TMTC2: variants seen among roughly 807,000 people sequenced by gnomAD.
TMTC2 encodes the protein protein O-mannosyl-transferase TMTC2.
TMTC2 carries 43 observed loss-of-function variants against 82.4 expected under a neutral mutation model. The ratio of observed to expected loss-of-function variants is 0.52; its 90% CI spans 0.41 to 0.67. The LOEUF (loss-of-function observed/expected upper bound fraction) is 0.67. Among genes scored for constraint, TMTC2 ranks in the 30% least tolerant of loss-of-function variants. TMTC2 has a pLI of 0.00. For synonymous variants in TMTC2, 408 were observed against 381.9 expected, an observed-to-expected ratio of 1.07 and a Z score of -0.80; for missense variants, 919 against 1,012.4, an observed-to-expected ratio of 0.91 and a Z score of 1.25.
intron 11 of TMTC2, among the ~76,000 whole-genome samples, chr12:83,079,199 C>A (rs372743244): frequency 6.6e-6 from 1 of 151,890 alleles, no homozygotes; most frequent in African/African-American, 2.4e-5. Context: ...GTTGATTTAT[C>A]ATTATCTACT....
At chr12:83,033,906 A>G (rs1266964578) in intron 9 of TMTC2, among the ~76,000 whole-genome samples, 1 of 149,622 alleles carries the variant, frequency 6.7e-6, no homozygotes, top group East Asian at 2.0e-4. Flanking sequence ...ATATATATGT[A>G]TATATATCCT....
At chr12:83,130,587 A>G (rs1885229948) in intron 11 of TMTC2, among the ~76,000 whole-genome samples, 3 of 152,192 alleles carry the variant, frequency 2.0e-5, no homozygotes. Context: ...TTGAAGATTT[A>G]AGGGAATTTT....
chr12:83,102,868 A>G (rs1432122757), intron 11 of TMTC2, among the ~76,000 whole-genome samples: 1 of 152,202 alleles, frequency 6.6e-6, no homozygotes, highest in East Asian at 1.9e-4. Context: ...AATAGACTAA[A>G]CTAAACTATT....
intron 4 of TMTC2, among the ~76,000 whole-genome samples, chr12:82,964,435 C>T (rs1018618398): frequency 6.6e-6 from 1 of 152,058 alleles, no homozygotes; most frequent in African/African-American, 2.4e-5. Flanking sequence ...TTCCGAAATC[C>T]AGTCTTATTC....
intron 1 of TMTC2, among the ~76,000 whole-genome samples, chr12:82,825,967 G>C (rs901376125): frequency 2.0e-5 from 3 of 152,060 alleles, no homozygotes; most frequent in Admixed American, 2.0e-4. Context: ...CGAATGGAAA[G>C]TTTTACCATA....
chr12:82,878,096 T>G (rs191639421), intron 2 of TMTC2, among the ~76,000 whole-genome samples: 1 of 152,336 alleles, frequency 6.6e-6, no homozygotes, highest in Non-Finnish European at 1.5e-5. Context: ...TTTTGTTCAT[T>G]CATTCAGTCA....
intron 8 of TMTC2, among the ~76,000 whole-genome samples, chr12:83,018,984 A>C (rs1035470912): frequency 5.9e-5 from 9 of 152,206 alleles, no homozygotes; most frequent in Non-Finnish European, 1.0e-4. Flanking sequence ...ATTAGAGTAC[A>C]TATGGTAAGT....
At chr12:82,832,653 A>C (rs750844291) in intron 1 of TMTC2, among the ~76,000 whole-genome samples, 1 of 152,182 alleles carries the variant, frequency 6.6e-6, no homozygotes, top group Non-Finnish European at 1.5e-5. Flanking sequence ...GCCAAAAAAC[A>C]AACACTGAAA....
rs370602340 is a variant in TMTC2 at position 82,764,414 on chromosome 12, A to G, written c.83+76745A>G. ...TGGCCTCCCAAAGTGCTGGGATTAC[A>G]GGTGTGAGCCACCATGCCTGGCCTA... On this transcript the variant is annotated intron_variant, in intron 1 of 11. Coordinates refer to ENST00000321196, the MANE Select transcript of TMTC2 (RefSeq NM_152588.3). Among the ~76,000 whole-genome samples, 197 of 152,322 alleles carry G rather than the reference A, an allele frequency of 1.3e-3. 2 individuals carry two copies. In the South Asian group the frequency reaches 0.039, roughly 30 times the overall value.
chr12:83,010,812 G>A (rs569798610), intron 8 of TMTC2, among the ~76,000 whole-genome samples: 79 of 133,954 alleles, frequency 5.9e-4, no homozygotes, highest in African/African-American at 1.7e-3. Flanking sequence ...TGTAGTAAAC[G>A]CTTGATTGAT....
chr12:82,967,239 CAA>C (rs1878252845), intron 7 of TMTC2, among the ~76,000 whole-genome samples: 1 of 151,972 alleles, frequency 6.6e-6, no homozygotes, highest in Non-Finnish European at 1.5e-5. Flanking sequence ...AAGGGACTCT[CAA>C]AAACATCTGG....
chr12:83,112,889 G>A (rs79842806), intron 11 of TMTC2, among the ~76,000 whole-genome samples: 5,534 of 152,224 alleles, frequency 0.036, 164 homozygotes, highest in Non-Finnish European at 0.054. Context: ...TTGTGATTTT[G>A]TAAACGTATT....
chr12:82,763,417 C>T (rs1025252447), intron 1 of TMTC2, among the ~76,000 whole-genome samples: 1 of 152,160 alleles, frequency 6.6e-6, no homozygotes, highest in Non-Finnish European at 1.5e-5. Flanking sequence ...AGAGTGCTAT[C>T]CAGGACTGTC....
chr12:82,950,581 A>G (rs1388771305), intron 4 of TMTC2, among the ~76,000 whole-genome samples: 1 of 152,226 alleles, frequency 6.6e-6, no homozygotes, highest in African/African-American at 2.4e-5. Context: ...AGAAATACAT[A>G]ATAGTTGTAA....
At chr12:83,071,194 G>A (rs1353719365) in intron 11 of TMTC2, among the ~76,000 whole-genome samples, 3 of 142,348 alleles carry the variant, frequency 2.1e-5, no homozygotes, top group East Asian at 2.1e-4. Context: ...TCGCTCTGTC[G>A]CCTAGACTGG....
rs373850483 is a variant in TMTC2, at chr12:83,069,869, G to A, written c.2331+8038G>A. On this transcript the variant is annotated intron_variant, in intron 11 of 11. Transcript: ENST00000321196. The stretch of plus-strand genomic sequence containing the variant: ...CCATCTTGAGTAGATTTTTGGGTAA[G>A]GTGAGAGATAAGGATCCAGTTTCAT... Among the ~76,000 whole-genome samples the A allele has an allele frequency of 8.1e-4, 123 of 152,074 alleles. 3 individuals carry two copies. In the South Asian group the frequency reaches 0.025, roughly 30 times the overall value.
intron 3 of TMTC2, among the ~76,000 whole-genome samples, chr12:82,924,345 T>C (rs1486130763): frequency 6.6e-6 from 1 of 152,210 alleles, no homozygotes; most frequent in East Asian, 1.9e-4. Flanking sequence ...ATCATTCATA[T>C]AGCAAGAGAG....
intron 1 of TMTC2, among the ~76,000 whole-genome samples, chr12:82,712,782 T>C (rs1873693790): frequency 6.6e-6 from 1 of 152,054 alleles, no homozygotes; most frequent in Admixed American, 6.5e-5. Context: ...AGGAGCTAAA[T>C]GGAAAGCTCT....
At chr12:82,770,666 G>C (rs946338941) in intron 1 of TMTC2, among the ~76,000 whole-genome samples, 7 of 152,044 alleles carry the variant, frequency 4.6e-5, no homozygotes, top group African/African-American at 1.7e-4. Context: ...TTATTTTATT[G>C]TTTGAATACA....
Sources: gnomAD v4.1 joint callset for allele counts (sites outside exome capture counted in the v4.1 genomes callset) on GRCh38, gnomAD v4.1.1 for gene constraint, MANE v1.5 for transcripts, NCBI Gene and HGNC (gene_info 2026-07-23, HGNC 2026-07-21) for gene names.